The following TMOD3 variants were observed in gnomAD, a reference collection of about 807,000 sequenced individuals.
TMOD3 encodes tropomodulin-3.
In TMOD3, 20 loss-of-function variants were observed where a neutral mutation model predicts 39.2. That is an observed-to-expected ratio of 0.51 (90% CI 0.36 to 0.74). TMOD3 has a LOEUF of 0.74. Ranked by LOEUF, TMOD3 falls within the 30% of genes least tolerant of loss-of-function variation. The probability of loss-of-function intolerance (pLI) is 0.00; values close to 1 mark genes in which losing one functional copy is unlikely to be tolerated. For missense variants in TMOD3, 381 were observed against 412.8 expected, an observed-to-expected ratio of 0.92 and a Z score of 0.67; for synonymous variants, 143 against 145.8, an observed-to-expected ratio of 0.98 and a Z score of 0.14.
At chr15:51,831,641 T>A (rs1477405970) in intron 1 of TMOD3, among the ~76,000 whole-genome samples, 1 of 152,234 alleles carries the variant, frequency 6.6e-6, no homozygotes, top group East Asian at 1.9e-4. Context: ...CTCAGTTTTT[T>A]AAAATACTGT....
chr15:51,848,637 G>A (rs899657310), intron 1 of TMOD3, among the ~76,000 whole-genome samples: 9 of 152,152 alleles, frequency 5.9e-5, no homozygotes, highest in East Asian at 1.9e-4. Flanking sequence ...CTAGTGAACC[G>A]TATCTACTTC....
chr15:51,867,751 G>A (rs1308567289), intron 2 of TMOD3, among the ~76,000 whole-genome samples: 1 of 152,174 alleles, frequency 6.6e-6, no homozygotes, highest in Non-Finnish European at 1.5e-5. Flanking sequence ...CATTTTCAAA[G>A]CAAAGATATA....
chr15:51,841,227 T>A (rs1402234265), intron 1 of TMOD3, among the ~76,000 whole-genome samples: 3 of 152,250 alleles, frequency 2.0e-5, no homozygotes, highest in Non-Finnish European at 4.4e-5. Context: ...CATTATAATA[T>A]GATATGGGAC....
intron 9 of TMOD3, among the ~76,000 whole-genome samples, chr15:51,907,831 G>C (rs893700225): frequency 6.6e-6 from 1 of 152,190 alleles, no homozygotes; most frequent in Non-Finnish European, 1.5e-5. Context: ...CCCCTGAGTA[G>C]TTTGACATCA....
intron 9 of TMOD3, among the ~76,000 whole-genome samples, chr15:51,903,846 G>T (rs1158097602): frequency 1.3e-5 from 2 of 152,148 alleles, no homozygotes; most frequent in African/African-American, 2.4e-5. Flanking sequence ...CAAAAAGATG[G>T]TTGACCAGAG....
At position 51,862,823 on chromosome 15, in the gene TMOD3, G is replaced by T. The variant is rs1186243165; in HGVS notation, c.-62G>T. ...CTTCTCTCCATAGCTTTAAGAAAAAGTAGAGATCACTTCTGACTGTACTGA... is the reference window on the plus strand; with the variant it reads ...CTTCTCTCCATAGCTTTAAGAAAAATTAGAGATCACTTCTGACTGTACTGA... On this transcript the variant is annotated 5_prime_UTR_variant, in exon 2 of 10. Coordinates refer to ENST00000308580, the MANE Select transcript of TMOD3 (RefSeq NM_014547.5). 29 of 1,510,264 alleles carry T rather than the reference G, an allele frequency of 1.9e-5. No individual in the cohort carries two copies. The highest frequency in any genetic ancestry group is 2.6e-5 in the Non-Finnish European group (29 of 1,128,808). 93.6% of individuals were successfully genotyped at this position (1,510,264 alleles called of 1,614,324 possible).
At chr15:51,837,009 G>C (rs2056288113) in intron 1 of TMOD3, among the ~76,000 whole-genome samples, 1 of 152,086 alleles carries the variant, frequency 6.6e-6, no homozygotes, top group African/African-American at 2.4e-5. Context: ...CACAGTTCCT[G>C]AAGTGTCTGT....
At chr15:51,904,973 C>A (rs141465473) in intron 9 of TMOD3, among the ~76,000 whole-genome samples, 2 of 152,218 alleles carry the variant, frequency 1.3e-5, no homozygotes, top group African/African-American at 4.8e-5. Context: ...TACACTGTTT[C>A]ATTCTGATCC....
chr15:51,906,549 C>A (rs545398513), intron 9 of TMOD3, among the ~76,000 whole-genome samples: 1 of 152,202 alleles, frequency 6.6e-6, no homozygotes, highest in Non-Finnish European at 1.5e-5. Flanking sequence ...ACCTTTGAGT[C>A]TCACATTACT....
chr15:51,898,874 C>T (rs2056634672), intron 7 of TMOD3: 1 of 152,100 alleles, frequency 6.6e-6, no homozygotes, highest in African/African-American at 2.4e-5. Flanking sequence ...CTTTCCTTCC[C>T]AGTCTCCCTC....
chr15:51,890,791 C>A (rs1417187780), intron 5 of TMOD3, among the ~76,000 whole-genome samples: 1 of 152,106 alleles, frequency 6.6e-6, no homozygotes, highest in Non-Finnish European at 1.5e-5. Context: ...TGACCATCCC[C>A]CTTCTCATTT....
chr15:51,832,325 A>G (rs1478061211), intron 1 of TMOD3, among the ~76,000 whole-genome samples: 1 of 150,520 alleles, frequency 6.6e-6, no homozygotes, highest in Admixed American at 6.7e-5. Context: ...AGCCACCTGT[A>G]GGGAATAAAA....
intron 3 of TMOD3, among the ~76,000 whole-genome samples, chr15:51,886,052 C>T (rs546239682): frequency 2.7e-5 from 4 of 150,446 alleles, no homozygotes; most frequent in African/African-American, 9.8e-5. Context: ...CGGAGGGGCT[C>T]CTCACTTCTC....
At chr15:51,897,775 G>GC (rs1426203087) in intron 7 of TMOD3, among the ~76,000 whole-genome samples, 11 of 95,836 alleles carry the variant, frequency 1.1e-4, no homozygotes, top group African/African-American at 4.5e-4. Context: ...GAGCCACCAC[G>GC]CCCAGCAAAA....
rs1331069323 is a variant in TMOD3 at position 51,885,166 on chromosome 15, AATT to A, written c.284-2417_284-2415del. ...TTGGTCAGCTAGTGCTGCAGTTTAT[AATT>A]ATTATCATTTTTCCATTCCTTTCAT... On this transcript the variant is annotated intron_variant, in intron 3 of 9. Transcript: ENST00000308580. Among the ~76,000 whole-genome samples, 6 of 152,230 alleles carry A rather than the reference AATT, an allele frequency of 3.9e-5. No homozygotes were observed. The East Asian group carries it at 1.2e-3, about 29-fold the overall frequency.
At chr15:51,895,068 T>C (rs895453454) in intron 6 of TMOD3, among the ~76,000 whole-genome samples, 2 of 152,150 alleles carry the variant, frequency 1.3e-5, no homozygotes, top group African/African-American at 2.4e-5. Context: ...AAACTTGATT[T>C]TTTTGAAGTC....
intron 3 of TMOD3, among the ~76,000 whole-genome samples, chr15:51,886,431 G>A (rs914900815): frequency 1.0e-4 from 16 of 152,382 alleles, no homozygotes; most frequent in Non-Finnish European, 1.9e-4. Context: ...TCGGGAGGCC[G>A]AGGCGGGCAG....
intron 7 of TMOD3, among the ~76,000 whole-genome samples, chr15:51,897,526 C>G (rs997239165): frequency 2.7e-5 from 4 of 146,494 alleles, no homozygotes; most frequent in Non-Finnish European, 4.5e-5. Flanking sequence ...ACTCTGTTGC[C>G]CCGGCTAGAG....
At chr15:51,839,568 C>G (rs539679425) in intron 1 of TMOD3, among the ~76,000 whole-genome samples, 1 of 148,242 alleles carries the variant, frequency 6.7e-6, no homozygotes, top group African/African-American at 2.5e-5. Flanking sequence ...TTTTTTTTTT[C>G]GAGACAGGCT....
Sources: gnomAD v4.1 joint callset for allele counts (sites outside exome capture counted in the v4.1 genomes callset) on GRCh38, gnomAD v4.1.1 for gene constraint, MANE v1.5 for transcripts, NCBI Gene and HGNC (gene_info 2026-07-23, HGNC 2026-07-21) for gene names.